Variants in MAX observed in about 807,000 individuals in gnomAD.
MAX encodes MYC associated transcriptional regulator X.
MAX carries 3 observed loss-of-function variants against 22.3 expected under a neutral mutation model. The ratio of observed to expected loss-of-function variants is 0.13; its 90% CI spans 0.06 to 0.35. MAX has a LOEUF of 0.35. Ranked by LOEUF, MAX falls within the 10% of genes least tolerant of loss-of-function variation. The pLI is 1.00. For synonymous variants in MAX, 72 were observed against 77.7 expected, an observed-to-expected ratio of 0.93 and a Z score of 0.39; for missense variants, 119 against 209.4, an observed-to-expected ratio of 0.57 and a Z score of 2.66.
chr14:65,040,675 G>T, intron 3 of MAX: 2 of 927,782 alleles, frequency 2.2e-6, no homozygotes, highest in Non-Finnish European at 2.7e-6. Context: ...ATTCATAGTT[G>T]TGATGGTTCA....
rs2061705907 is a variant in MAX, at chr14:65,012,884, A to G, written c.172-6600T>C. ...GAGACAAAAAACCCTTTCTTGTAAT[A>G]AGATCTAATTTCTATACTGACTAGA... is the stretch of plus-strand genomic sequence containing the variant. On this transcript the variant is annotated intron_variant, in intron 3 of 3. Coordinates refer to the MAX transcript ENST00000341653. The surrounding 1 kb of genome is among the most constrained non-coding windows in gnomAD (Gnocchi z 5.0). 6.6e-6 allele frequency among the ~76,000 whole-genome samples: 1 copy of G among 152,232 alleles called. No individual in the cohort carries two copies. The highest frequency in any genetic ancestry group is 6.5e-5 in the Admixed American group (1 of 15,284).
At chr14:65,016,820 G>A (rs2061782192) in intron 3 of MAX, among the ~76,000 whole-genome samples, 3 of 152,144 alleles carry the variant, frequency 2.0e-5, no homozygotes, top group Admixed American at 2.0e-4. Context: ...TTTGATCATC[G>A]GGATGCCACT....
rs932927553 is a variant in MAX at position 65,012,671 on chromosome 14, C to T, written c.172-6387G>A. On this transcript the variant is annotated intron_variant, in intron 3 of 3. Transcript: ENST00000341653. This position sits in a 1 kb window ranked among gnomAD's most constrained non-coding sequence, Gnocchi z 5.0. ...GGTTCACGTGCTTTATCTAGACCTC[C>T]TTGACAGCTGGCTAAATGCCAGTTA... Among the ~76,000 whole-genome samples the T allele has an allele frequency of 2.0e-5, 3 of 152,232 alleles. No individual in the cohort carries two copies. The East Asian group carries it at 5.8e-4, about 29-fold the overall frequency.
At chr14:65,035,282 G>A (rs919472987) in intron 3 of MAX, among the ~76,000 whole-genome samples, 4 of 152,158 alleles carry the variant, frequency 2.6e-5, no homozygotes, top group African/African-American at 9.7e-5. Flanking sequence ...TGGGGGAAGG[G>A]AGGGACTAAC....
chr14:65,078,174 T>C lies in MAX; in HGVS notation c.172-138A>G. On this transcript the variant is annotated intron_variant, in intron 3 of 4. Coordinates refer to ENST00000358664, the MANE Select transcript of MAX (RefSeq NM_002382.5). This position sits in a 1 kb window ranked among gnomAD's most constrained non-coding sequence, Gnocchi z 6.4. ...GGAAAAGGCTGAAGAAATACAATAA[T>C]GGCTACTGTAGGCTTTATTTATTTA... The C allele has an allele frequency of 1.2e-6, 1 of 845,732 alleles. No homozygotes were observed. The highest frequency in any genetic ancestry group is 2.0e-6 in the Non-Finnish European group (1 of 504,124). 52.4% of individuals were successfully genotyped at this position (845,732 alleles called of 1,614,324 possible).
chr14:65,044,279 T>C lies in MAX; in HGVS notation c.172-37995A>G. 6.2e-7 allele frequency: 1 copy of C among 1,610,474 alleles called. No individual in the cohort carries two copies. Among genetic ancestry groups the C allele is most frequent in the Non-Finnish European group, 8.5e-7 (1 of 1,178,592 alleles). ...GGGCTGGATTTTGTCTCTTTTAGCCTACAACTGCCTTTCCCATCTGTGTCT... is the reference window on the plus strand; with the variant it reads ...GGGCTGGATTTTGTCTCTTTTAGCCCACAACTGCCTTTCCCATCTGTGTCT... On this transcript the variant is annotated intron_variant, in intron 3 of 3. Coordinates refer to the MAX transcript ENST00000341653. This position sits in a 1 kb window ranked among gnomAD's most constrained non-coding sequence, Gnocchi z 5.5.
Position 65,044,858 on chromosome 14 carries a change from G to A in MAX, c.172-38574C>T, listed in dbSNP as rs2062440122. ...TGCAACAGCAACAGGAAAGGCAACT[G>A]CGTAAAGGGGTAGAGAACCAGAACC... On this transcript the variant is annotated intron_variant, in intron 3 of 3. Transcript: ENST00000341653. This position sits in a 1 kb window ranked among gnomAD's most constrained non-coding sequence, Gnocchi z 5.5. 1 of 166,560 alleles carries A rather than the reference G, an allele frequency of 6.0e-6. No homozygotes were observed. Among genetic ancestry groups the A allele is most frequent in the South Asian group, 1.6e-4 (1 of 6,448 alleles). The allele number at this position is 166,560 out of a possible 1,614,324, so 10.3% of individuals were successfully genotyped here.
At position 65,029,069 on chromosome 14, in the gene MAX, C is replaced by G. The variant is rs1471098745; in HGVS notation, c.172-22785G>C. Reference sequence around the variant, plus strand: ...GTTCTAGATAAATGCTAGGAAACTTCTCCAGTAAGGCAGCTTGGTTCCCCT... The same window carrying G: ...GTTCTAGATAAATGCTAGGAAACTTGTCCAGTAAGGCAGCTTGGTTCCCCT... On this transcript the variant is annotated intron_variant, in intron 3 of 3. Transcript: ENST00000341653. This position sits in a 1 kb window ranked among gnomAD's most constrained non-coding sequence, Gnocchi z 4.7. Among the ~76,000 whole-genome samples the G allele has an allele frequency of 6.6e-6, 1 of 152,026 alleles. No homozygotes were observed. The highest frequency in any genetic ancestry group is 1.5e-5 in the Non-Finnish European group (1 of 68,014).
intron 3 of MAX, among the ~76,000 whole-genome samples, chr14:65,092,802 C>A (rs530722030): frequency 6.6e-6 from 1 of 152,178 alleles, no homozygotes; most frequent in Non-Finnish European, 1.5e-5. Flanking sequence ...AAATCCAGGA[C>A]CCCCACCACA....
chr14:65,099,821 AT>A (rs972105984), intron 2 of MAX, among the ~76,000 whole-genome samples: 54 of 152,382 alleles, frequency 3.5e-4, no homozygotes, highest in African/African-American at 1.3e-3. Context: ...GATAAATAAA[AT>A]AAAACAAATT....
chr14:65,081,659 T>C (rs1265569274), intron 3 of MAX, among the ~76,000 whole-genome samples: 1 of 152,246 alleles, frequency 6.6e-6, no homozygotes, highest in African/African-American at 2.4e-5. Context: ...TAAGTCAACA[T>C]GTCCACAGAG....
Position 65,077,821 on chromosome 14 carries a change from A to G in MAX, c.295+92T>C, listed in dbSNP as rs1441729158. ...AAGCCTGCTACTGAGCACATACTCC[A>G]TGACTGGCTCTGACTCTGCAGGCCC... is the stretch of plus-strand genomic sequence containing the variant. On this transcript the variant is annotated intron_variant, in intron 4 of 4. Coordinates refer to ENST00000358664, the MANE Select transcript of MAX (RefSeq NM_002382.5). This position sits in a 1 kb window ranked among gnomAD's most constrained non-coding sequence, Gnocchi z 6.3. 2 of 1,614,166 alleles carry G rather than the reference A, an allele frequency of 1.2e-6. No individual in the cohort carries two copies. The highest frequency in any genetic ancestry group is 2.2e-5 in the South Asian group (2 of 91,084).
In MAX at chr14:65,029,155, C is replaced by T. The variant is rs1360027547; in HGVS notation, c.172-22871G>A. On this transcript the variant is annotated intron_variant, in intron 3 of 3. Coordinates refer to the MAX transcript ENST00000341653. The surrounding 1 kb of genome is among the most constrained non-coding windows in gnomAD (Gnocchi z 4.7). The stretch of plus-strand genomic sequence containing the variant: ...GCTCTTTGGGTGATGCTCTGCCATT[C>T]GTGCCCGTGCTTTCTATTTACATAA... 6.6e-6 allele frequency among the ~76,000 whole-genome samples: 1 copy of T among 152,154 alleles called. No individual in the cohort carries two copies. The highest frequency in any genetic ancestry group is 1.5e-5 in the Non-Finnish European group (1 of 68,036).
At chr14:65,094,053 T>C in intron 2 of MAX, 1 of 542,092 alleles carries the variant, frequency 1.8e-6, no homozygotes, top group Non-Finnish European at 3.4e-6. Context: ...ATCCAGCTCA[T>C]GCATAAGTAA....
chr14:65,041,055 G>A (rs1197082077), intron 3 of MAX: 17 of 1,401,738 alleles, frequency 1.2e-5, no homozygotes, highest in Non-Finnish European at 1.6e-5. Flanking sequence ...ACAGAGGAAG[G>A]AGTGAGCAGC....
chr14:65,071,505 C>G (rs992480361), downstream of MAX, among the ~76,000 whole-genome samples: 1 of 152,204 alleles, frequency 6.6e-6, no homozygotes, highest in African/African-American at 2.4e-5. This position sits in a 1 kb window ranked among gnomAD's most constrained non-coding sequence, Gnocchi z 4.2. Flanking sequence ...TGATGGCAGA[C>G]ACATCTAAGA....
intron 3 of MAX, chr14:65,090,649 T>C (rs2063477475): frequency 6.6e-6 from 1 of 152,074 alleles, no homozygotes; most frequent in South Asian, 2.1e-4. Flanking sequence ...GGACTACAGG[T>C]AAGCATCACC....
intron 3 of MAX, chr14:65,022,006 C>T (rs564140272): frequency 2.0e-5 from 9 of 455,992 alleles, no homozygotes; most frequent in African/African-American, 1.0e-4. Flanking sequence ...AGAGACTTGC[C>T]GGTGCTTGAT....
Position 65,069,842 on chromosome 14 carries a change from A to AG in MAX, c.171+23865dup, listed in dbSNP as rs2062967680. ...GAAACATGGTCAAGTTGTTGGAAAC[A>AG]GGGTCCTTCCTCTCCAAAGTCTCCT... is the stretch of plus-strand genomic sequence containing the variant. On this transcript the variant is annotated intron_variant, in intron 3 of 3. Transcript: ENST00000341653. This position sits in a 1 kb window ranked among gnomAD's most constrained non-coding sequence, Gnocchi z 4.6. Among the ~76,000 whole-genome samples, 1 of 152,238 alleles carries AG rather than the reference A, an allele frequency of 6.6e-6. No individual in the cohort carries two copies.
Sources: gnomAD v4.1 joint callset for allele counts (sites outside exome capture counted in the v4.1 genomes callset) on GRCh38, gnomAD v4.1.1 for gene constraint, Gnocchi (gnomAD v3.1) non-coding constraint, MANE v1.5 for transcripts, NCBI Gene and HGNC (gene_info 2026-07-23, HGNC 2026-07-21) for gene names.